SIPA1L3: variants seen among roughly 807,000 people sequenced by gnomAD.
SIPA1L3 encodes signal induced proliferation associated 1 like 3, also known as signal-induced proliferation-associated 1-like protein 3.
A neutral mutation model predicts 150.1 loss-of-function variants in SIPA1L3; 59 were observed. The ratio of observed to expected loss-of-function variants is 0.39; its 90% CI spans 0.32 to 0.49. The LOEUF (loss-of-function observed/expected upper bound fraction) is 0.49. Among genes scored for constraint, SIPA1L3 ranks in the 20% least tolerant of loss-of-function variants. The probability of loss-of-function intolerance (pLI) is 0.86; values close to 1 mark genes in which losing one functional copy is unlikely to be tolerated. For synonymous variants in SIPA1L3, 1,070 were observed against 1,077.6 expected, an observed-to-expected ratio of 0.99 and a Z score of 0.14; for missense variants, 2,211 against 2,489.5, an observed-to-expected ratio of 0.89 and a Z score of 2.38.
At chr19:37,940,092 C>T (rs975437582) in intron 1 of SIPA1L3, among the ~76,000 whole-genome samples, 1 of 152,104 alleles carries the variant, frequency 6.6e-6, no homozygotes, top group South Asian at 2.1e-4. Flanking sequence ...AAGTCAGTTA[C>T]TTAGTGCGTC....
At chr19:37,995,482 C>T (rs1003905285) in intron 1 of SIPA1L3, among the ~76,000 whole-genome samples, 10 of 152,174 alleles carry the variant, frequency 6.6e-5, no homozygotes, top group Non-Finnish European at 1.2e-4. Flanking sequence ...GGACACCCAG[C>T]CGGCCATAAT....
In SIPA1L3 at chr19:38,047,677, A is replaced by T. The variant is rs1303763470; in HGVS notation, c.-311+18521A>T. ...ACGCTCCTTTGCCCGCCCCTGCCACACTGGTATCTTTCCCTTGATGCTGAC... is the reference window on the plus strand; with the variant it reads ...ACGCTCCTTTGCCCGCCCCTGCCACTCTGGTATCTTTCCCTTGATGCTGAC... On this transcript the variant is annotated intron_variant, in intron 2 of 21. Coordinates refer to ENST00000222345, the MANE Select transcript of SIPA1L3 (RefSeq NM_015073.3). The surrounding 1 kb of genome is among the most constrained non-coding windows in gnomAD (Gnocchi z 4.7). Among the ~76,000 whole-genome samples the T allele has an allele frequency of 6.6e-6, 1 of 152,082 alleles. No homozygotes were observed. The highest frequency in any genetic ancestry group is 1.5e-5 in the Non-Finnish European group (1 of 68,002).
intron 2 of SIPA1L3, among the ~76,000 whole-genome samples, chr19:38,031,446 C>T (rs904706372): frequency 6.6e-6 from 1 of 152,206 alleles, no homozygotes; most frequent in Non-Finnish European, 1.5e-5. Context: ...TTTCATGACC[C>T]AGACACTTTG....
At chr19:38,203,934 C>A in intron 20 of SIPA1L3, 193 bp from the exon 21 acceptor site, 1 of 582,866 alleles carries the variant, frequency 1.7e-6, no homozygotes, top group South Asian at 2.1e-5. Flanking sequence ...TCCACATCCA[C>A]AGAGGTGCCC....
chr19:37,936,966 A>C (rs1293279627), intron 1 of SIPA1L3, among the ~76,000 whole-genome samples: 2 of 152,188 alleles, frequency 1.3e-5, no homozygotes, highest in Non-Finnish European at 2.9e-5. Context: ...ATTAATTTTT[A>C]AAATCTTTTG....
chr19:37,942,675 T>G (rs1476682205), intron 1 of SIPA1L3, among the ~76,000 whole-genome samples: 1 of 151,948 alleles, frequency 6.6e-6, no homozygotes, highest in African/African-American at 2.4e-5. Context: ...AGGGGCAGCC[T>G]GTTTTGCAGT....
At chr19:37,917,621 C>A (rs900925537) in intron 1 of SIPA1L3, among the ~76,000 whole-genome samples, 2 of 152,114 alleles carry the variant, frequency 1.3e-5, no homozygotes, top group African/African-American at 4.8e-5. Flanking sequence ...TACTTTTAAA[C>A]CTGTTTTATA....
chr19:37,912,961 G>A (rs1007153169), intron 1 of SIPA1L3, among the ~76,000 whole-genome samples: 12 of 152,220 alleles, frequency 7.9e-5, no homozygotes, highest in African/African-American at 2.7e-4. Context: ...ACCACAGTGG[G>A]TGGTGGGGGT....
At chr19:38,130,470 G>A (rs372855720) in intron 9 of SIPA1L3, 28 bp from the exon 10 acceptor site, 1 of 1,591,326 alleles carries the variant, frequency 6.3e-7, no homozygotes, top group African/African-American at 1.3e-5. Context: ...AGCAGCTTCT[G>A]AGGCTCGATC....
intron 4 of SIPA1L3, among the ~76,000 whole-genome samples, chr19:38,092,710 G>A (rs2145844121): frequency 6.6e-6 from 1 of 152,342 alleles, no homozygotes; most frequent in African/African-American, 2.4e-5. Context: ...AAACAAGGCA[G>A]CAAAGATGCT....
At chr19:38,180,209 T>G (rs542704148) in intron 15 of SIPA1L3, among the ~76,000 whole-genome samples, 47 of 152,364 alleles carry the variant, frequency 3.1e-4, no homozygotes, top group African/African-American at 1.1e-3. Flanking sequence ...GTTGCCTTCA[T>G]TTTTCAAGGA....
intron 4 of SIPA1L3, among the ~76,000 whole-genome samples, chr19:38,099,045 T>C (rs1162590510): frequency 6.6e-6 from 1 of 152,096 alleles, no homozygotes; most frequent in East Asian, 1.9e-4. Context: ...TTCTTTTCTT[T>C]TCTTTTCTCA....
intron 1 of SIPA1L3, among the ~76,000 whole-genome samples, chr19:37,914,332 G>A (rs2145470653): frequency 6.6e-6 from 1 of 152,114 alleles, no homozygotes; most frequent in East Asian, 1.9e-4. Flanking sequence ...CAGTTTGACT[G>A]GAGAAGAGTT....
intron 9 of SIPA1L3, among the ~76,000 whole-genome samples, chr19:38,123,707 C>T (rs888546766): frequency 1.3e-5 from 2 of 152,130 alleles, no homozygotes; most frequent in Non-Finnish European, 2.9e-5. Flanking sequence ...TCAATCTTTT[C>T]CCCACCTTTC....
At chr19:37,914,048 C>A (rs1262752104) in intron 1 of SIPA1L3, among the ~76,000 whole-genome samples, 5 of 143,732 alleles carry the variant, frequency 3.5e-5, no homozygotes, top group African/African-American at 1.3e-4. Context: ...AAAAAAAAAT[C>A]CTGATCCTGC....
rs1973018155 is a variant in SIPA1L3 at position 38,198,547 on chromosome 19, CCCAGTCCCG to C, written c.4984+20_4984+28del. The C allele has an allele frequency of 6.6e-7, 1 of 1,504,352 alleles. No individual in the cohort carries two copies. Among genetic ancestry groups the C allele is most frequent in the Admixed American group, 2.2e-5 (1 of 45,316 alleles). 93.2% of individuals were successfully genotyped at this position (1,504,352 alleles called of 1,614,324 possible). On this transcript the variant is annotated intron_variant, in intron 19 of 21. Transcript: ENST00000222345. ...GGCATACGAAGGTAGGCGCCTTCCA[CCCAGTCCCG>C]CCAGGCCCCCACCCCGTCCTCTGTT...
chr19:38,160,366 G>A (rs1309261863), intron 13 of SIPA1L3, among the ~76,000 whole-genome samples: 1 of 150,922 alleles, frequency 6.6e-6, no homozygotes, highest in East Asian at 2.0e-4. Flanking sequence ...TGACTAGGCT[G>A]GAGAGGTTAA....
At chr19:38,072,319 T>C (rs1030601414) in intron 2 of SIPA1L3, among the ~76,000 whole-genome samples, 12 of 152,362 alleles carry the variant, frequency 7.9e-5, no homozygotes, top group African/African-American at 2.9e-4. Flanking sequence ...ACCTGGACCA[T>C]AGAAGGATTC....
rs10567552 is a variant in SIPA1L3 at position 38,101,400 on chromosome 19, CTTG to C, written c.2029+195_2029+197del. On this transcript the variant is annotated intron_variant, in intron 6 of 21. Transcript: ENST00000222345. ...CACTTTATTTTTTCGTGTTGTTGTA[CTTG>C]TTGTTGTTGTTGTTGTTGTTTTTGA... 3.2e-3 allele frequency among the ~76,000 whole-genome samples: 481 copies of C among 151,936 alleles called. 4 individuals are homozygous for C. The highest frequency in any genetic ancestry group is 0.01 in the African/African-American group (421 of 41,434).
Sources: allele counts gnomAD v4.1 joint callset (sites outside exome capture counted in the v4.1 genomes callset), GRCh38; gene constraint gnomAD v4.1.1; non-coding constraint Gnocchi (gnomAD v3.1); transcripts MANE v1.5; gene names NCBI Gene and HGNC (gene_info 2026-07-23, HGNC 2026-07-21).